The following USP53 variants were observed in gnomAD, a reference collection of about 807,000 sequenced individuals.
USP53 encodes the protein ubiquitin specific peptidase 53.
In USP53, 71 loss-of-function variants were observed where a neutral mutation model predicts 94.9. The observed-to-expected ratio is 0.75, with a 90% CI of 0.62 to 0.91. The LOEUF (loss-of-function observed/expected upper bound fraction) is 0.91, where lower values mean the gene tolerates loss of function less well. USP53 is among the 40% of genes least tolerant of loss of function. The probability of loss-of-function intolerance (pLI) is 0.00; values close to 1 mark genes in which losing one functional copy is unlikely to be tolerated. For missense variants in USP53, 1,173 were observed against 1,281.0 expected, an observed-to-expected ratio of 0.92 and a Z score of 1.29; for synonymous variants, 375 against 422.7, an observed-to-expected ratio of 0.89 and a Z score of 1.39.
Position 119,271,795 on chromosome 4 carries a change from A to G in USP53, c.1935A>G (p.Glu645=), listed in dbSNP as rs1751905052. 4.3e-6 allele frequency: 7 copies of G among 1,612,536 alleles called. No individual in the cohort carries two copies. The highest frequency in any genetic ancestry group is 5.9e-6 in the Non-Finnish European group (7 of 1,179,674). The change falls in exon 16 of 19, where the codon GAA becomes GAG. Residue 645 remains glutamate (E), a synonymous_variant. Transcript: ENST00000692078. ...QKGLMTIYED[E]MKQEIGSRSS... ...GTTTAATGACCATATATGAAGATGA[A>G]ATGAAGCAGGAAATAGGAAGCAGAA...
chr4:119,284,592 A>C (rs978398140), intron 17 of USP53, among the ~76,000 whole-genome samples: 2 of 151,862 alleles, frequency 1.3e-5, no homozygotes, highest in African/African-American at 2.4e-5. Context: ...TTCTTCTTAT[A>C]AAAAGTATGT....
At chr4:119,260,848 G>C (rs566611911) in intron 11 of USP53, among the ~76,000 whole-genome samples, 195 bp downstream of exon 11, 17 of 151,470 alleles carry the variant, frequency 1.1e-4, no homozygotes, top group African/African-American at 3.9e-4. Flanking sequence ...CTAAAATCAT[G>C]ATGATTGATG....
Position 119,291,242 on chromosome 4 carries a change from A to C in USP53, c.2329A>C (p.Lys777Gln), listed in dbSNP as rs1246833763. ...CCACCCAGAATCACATTTACAAATA[A>C]AAAATCATTTGATAAAAAGGTAACC... is the stretch of plus-strand genomic sequence containing the variant. ...EFHPESHLQIKNHLIKRSHVH... is the reference protein window; with the variant it reads ...EFHPESHLQIQNHLIKRSHVH... The change falls in exon 18 of 19, where the codon AAA becomes CAA. Residue 777 changes from lysine (K) to glutamine (Q), a missense_variant. By Grantham distance (53) the Lys-to-Gln change is moderately conservative. Transcript: ENST00000692078. The C allele has an allele frequency of 1.3e-6, 2 of 1,591,062 alleles. No homozygotes were observed. Among genetic ancestry groups the C allele is most frequent in the African/African-American group, 2.8e-5 (2 of 72,288 alleles).
At chr4:119,252,865 G>A (rs1454741761) in intron 7 of USP53, among the ~76,000 whole-genome samples, 1 of 152,108 alleles carries the variant, frequency 6.6e-6, no homozygotes, top group South Asian at 2.1e-4. Flanking sequence ...TCTCTCGTGG[G>A]CATTTCATGC....
At chr4:119,266,281 T>G (rs1192046930) in intron 12 of USP53, 4 of 456,128 alleles carry the variant, frequency 8.8e-6, no homozygotes, top group African/African-American at 8.0e-5. Flanking sequence ...GTGAACATAT[T>G]TTTTTCCGTT....
chr4:119,243,859 C>CCA (rs1747875672), intron 5 of USP53, among the ~76,000 whole-genome samples: 1 of 135,324 alleles, frequency 7.4e-6, no homozygotes, highest in Admixed American at 7.4e-5. Flanking sequence ...TTATTTAATA[C>CCA]TATACTATTT....
At chr4:119,229,992 C>A (rs1745839997) in intron 3 of USP53, among the ~76,000 whole-genome samples, 1 of 152,134 alleles carries the variant, frequency 6.6e-6, no homozygotes, top group Non-Finnish European at 1.5e-5. Flanking sequence ...TCTCATCCTC[C>A]CAACATACGC....
chr4:119,263,917 A>G (rs1157781845), intron 12 of USP53, among the ~76,000 whole-genome samples: 1 of 152,102 alleles, frequency 6.6e-6, no homozygotes, highest in Non-Finnish European at 1.5e-5. Context: ...TAAAAATACA[A>G]AATTTAGCAT....
At chr4:119,224,581 A>C (rs1228797798) in intron 3 of USP53, among the ~76,000 whole-genome samples, 2 of 152,208 alleles carry the variant, frequency 1.3e-5, no homozygotes, top group Non-Finnish European at 2.9e-5. Context: ...ATGATCAGGG[A>C]GGCTGAAGTG....
chr4:119,228,941 C>T lies in USP53; in HGVS notation c.-664-6349C>T, dbSNP rs369286025. 5.9e-5 allele frequency among the ~76,000 whole-genome samples: 9 copies of T among 152,130 alleles called. No individual in the cohort carries two copies. In the East Asian group the frequency reaches 9.6e-4, roughly 16 times the overall value. On this transcript the variant is annotated intron_variant, in intron 3 of 18. Transcript: ENST00000692078. ...GGAAGAGTAAGGAAAACTACAGTTG[C>T]GTGTGTAAGTAGATTTAGATGAATA...
intron 3 of USP53, among the ~76,000 whole-genome samples, chr4:119,229,725 C>G (rs1745796887): frequency 6.6e-6 from 1 of 152,126 alleles, no homozygotes. Context: ...ACCAGCCTCC[C>G]AATTTACCCC....
At chr4:119,247,864 C>G (rs1261650501) in intron 6 of USP53, among the ~76,000 whole-genome samples, 2 of 152,062 alleles carry the variant, frequency 1.3e-5, no homozygotes, top group Non-Finnish European at 2.9e-5. Context: ...TTCTGGGTAT[C>G]TAATATCAGA....
At chr4:119,280,177 T>G (rs539497400) in intron 17 of USP53, among the ~76,000 whole-genome samples, 1 of 152,282 alleles carries the variant, frequency 6.6e-6, no homozygotes, top group South Asian at 2.1e-4. Flanking sequence ...TTATTAAAGA[T>G]AGCATTAGAT....
intron 6 of USP53, among the ~76,000 whole-genome samples, chr4:119,245,857 A>C (rs920926379): frequency 6.6e-6 from 1 of 152,192 alleles, no homozygotes; most frequent in African/African-American, 2.4e-5. Context: ...AGAGTATGTT[A>C]GATGGTAATA....
At chr4:119,273,410 ATAGACT>A (rs1166427163) in intron 16 of USP53, 3 of 394,774 alleles carry the variant, frequency 7.6e-6, no homozygotes, top group Non-Finnish European at 1.4e-5. Context: ...TTATAACCAG[ATAGACT>A]TAGATTTTAA....
intron 5 of USP53, among the ~76,000 whole-genome samples, chr4:119,242,336 T>C (rs941621326): frequency 1.2e-4 from 18 of 152,224 alleles, no homozygotes; most frequent in African/African-American, 4.3e-4. Context: ...TTGATCATTT[T>C]ACTTTTAAAC....
At chr4:119,292,202 AT>A in intron 18 of USP53, 135 bp from the exon 19 acceptor site, 1 of 962,398 alleles carries the variant, frequency 1.0e-6, no homozygotes. Context: ...ATATCTTTCC[AT>A]TTTTGTGGTT....
At chr4:119,289,106 C>T (rs1339386273) in intron 17 of USP53, among the ~76,000 whole-genome samples, 1 of 152,112 alleles carries the variant, frequency 6.6e-6, no homozygotes, top group Non-Finnish European at 1.5e-5. Context: ...GTGGTGGATA[C>T]AAGTTTTCTT....
intron 15 of USP53, 35 bp from the exon 16 acceptor site, chr4:119,271,261 G>T: frequency 6.6e-7 from 1 of 1,522,470 alleles, no homozygotes. Context: ...GCTCTGAGGA[G>T]TAATTCATGT....
Sources: gnomAD v4.1 joint callset for allele counts (sites outside exome capture counted in the v4.1 genomes callset) on GRCh38, gnomAD v4.1.1 for gene constraint, MANE v1.5 for transcripts, NCBI Gene and HGNC (gene_info 2026-07-23, HGNC 2026-07-21) for gene names.